ERP44: variants seen among roughly 807,000 people sequenced by gnomAD.
ERP44 encodes the protein endoplasmic reticulum resident protein 44.
ERP44 carries 25 observed loss-of-function variants against 53.4 expected under a neutral mutation model. The ratio of observed to expected loss-of-function variants is 0.47; its 90% CI spans 0.34 to 0.65. The LOEUF (loss-of-function observed/expected upper bound fraction) is 0.65, where lower values mean the gene tolerates loss of function less well. ERP44 is among the 30% of genes least tolerant of loss of function. ERP44 has a pLI of 0.01. For missense variants in ERP44, 338 were observed against 493.2 expected (o/e 0.69, Z 2.98); for synonymous variants, 145 against 161.2 (o/e 0.90, Z 0.76).
chr9:100,056,036 C>T (rs1370690906), intron 3 of ERP44, among the ~76,000 whole-genome samples: 1 of 152,204 alleles, frequency 6.6e-6, no homozygotes, highest in Non-Finnish European at 1.5e-5. Context: ...TCCCAAATAA[C>T]TCAGTCCATG....
intron 1 of ERP44, among the ~76,000 whole-genome samples, chr9:100,096,388 G>A (rs1298937366): frequency 6.6e-6 from 1 of 151,504 alleles, no homozygotes; most frequent in East Asian, 1.9e-4. Context: ...AATCTATATA[G>A]ACGCAAATAA....
chr9:100,086,478 T>C (rs995244022), intron 1 of ERP44, among the ~76,000 whole-genome samples: 25 of 152,178 alleles, frequency 1.6e-4, no homozygotes, highest in African/African-American at 6.0e-4. Flanking sequence ...TTTTCTAAGG[T>C]GCTTTCTCCA....
chr9:100,068,303 C>T (rs1353595928), intron 1 of ERP44, among the ~76,000 whole-genome samples: 2 of 143,470 alleles, frequency 1.4e-5, no homozygotes, highest in African/African-American at 5.2e-5. Flanking sequence ...CCCCTCTACC[C>T]GGCCAGCTGC....
intron 1 of ERP44, among the ~76,000 whole-genome samples, chr9:100,086,647 T>C (rs1176285056): frequency 1.3e-5 from 2 of 152,190 alleles, no homozygotes; most frequent in Non-Finnish European, 2.9e-5. Context: ...TTAGAAAAAC[T>C]GATATTCAAA....
rs552912305 is a variant in ERP44, at chr9:100,052,321, G to GA, written c.286+95dup. 1.5e-3 allele frequency: 781 copies of GA among 535,858 alleles called. 2 individuals are homozygous for GA. The highest frequency in any genetic ancestry group is 0.012 in the South Asian group (252 of 21,556). The allele number at this position is 535,858 out of a possible 1,614,324, so 33.2% of individuals were successfully genotyped here. A position where few individuals can be genotyped will look rare whatever the true frequency, so the allele number is the denominator to read the frequency against. On this transcript the variant is annotated intron_variant, in intron 4 of 11. Transcript: ENST00000262455. ...GAGCATTTAAAAAAAAAAAGAAAAG[G>GA]AAAAAAAAAGAAAAGAAAAGAAAAG... is the stretch of plus-strand genomic sequence containing the variant.
At chr9:100,054,081 T>C (rs916350535) in intron 3 of ERP44, among the ~76,000 whole-genome samples, 8 of 152,160 alleles carry the variant, frequency 5.3e-5, no homozygotes, top group African/African-American at 1.7e-4. Context: ...AGGAGACACA[T>C]CTGTATCTTC....
rs1830434946 is a variant in ERP44 at position 100,007,624 on chromosome 9, T to C, written c.828A>G (p.Leu276=). Residue 276 remains leucine, a synonymous_variant, in exon 9 of 12, where the codon TTA becomes TTG. Coordinates refer to ENST00000262455, the MANE Select transcript of ERP44 (RefSeq NM_015051.3). ...LFHMKEDTES[L]EIFQNEVARQ... is the part of the protein sequence containing the mutation. The stretch of plus-strand genomic sequence containing the variant: ...GAGCTACTTCATTCTGGAATATTTC[T>C]AAACTTTCTGTATCTTCTTTCATGT... 1.2e-6 allele frequency: 2 copies of C among 1,604,098 alleles called. No individual in the cohort carries two copies. The highest frequency in any genetic ancestry group is 2.7e-5 in the African/African-American group (2 of 74,870).
chr9:100,057,933 G>T, intron 2 of ERP44, 74 bp from the exon 3 acceptor site: 2 of 1,195,900 alleles, frequency 1.7e-6, no homozygotes, highest in South Asian at 2.6e-5. Context: ...GTTTCATTAT[G>T]ATCTTTGTCC....
chr9:100,009,844 T>G (rs1444832380), intron 8 of ERP44, among the ~76,000 whole-genome samples: 5 of 152,228 alleles, frequency 3.3e-5, no homozygotes, highest in Non-Finnish European at 7.3e-5. Context: ...TTTTCTTTAG[T>G]ACTTCTGCTT....
At chr9:100,095,553 G>C (rs1826617127) in intron 1 of ERP44, among the ~76,000 whole-genome samples, 1 of 151,946 alleles carries the variant, frequency 6.6e-6, no homozygotes, top group Admixed American at 6.6e-5. Context: ...ATGGTATTGT[G>C]GTTTTGTTTA....
At chr9:100,097,738 T>C (rs2118770675) in intron 1 of ERP44, among the ~76,000 whole-genome samples, 1 of 152,320 alleles carries the variant, frequency 6.6e-6, no homozygotes, top group South Asian at 2.1e-4. Flanking sequence ...CAAACACAAA[T>C]ATTAAACATT....
intron 10 of ERP44, among the ~76,000 whole-genome samples, chr9:100,003,443 T>C (rs968620216): frequency 6.6e-6 from 1 of 152,230 alleles, no homozygotes; most frequent in Non-Finnish European, 1.5e-5. Context: ...TGACTGGCTT[T>C]GTCTGGGAAA....
rs574477861 is a variant in ERP44 at position 100,034,486 on chromosome 9, G to T, written c.287-12260C>A. 1.9e-4 allele frequency among the ~76,000 whole-genome samples: 29 copies of T among 152,234 alleles called. No individual in the cohort carries two copies. The South Asian group carries it at 6.0e-3, about 32-fold the overall frequency. ...TAACCATAAAAATAGCCAGCCAGCA[G>T]CCCTTGCGGCTGCTCTGCCTATGCA... On this transcript the variant is annotated intron_variant, in intron 4 of 11. Coordinates refer to ENST00000262455, the MANE Select transcript of ERP44 (RefSeq NM_015051.3).
At chr9:100,002,056 T>C (rs544243901) in intron 10 of ERP44, among the ~76,000 whole-genome samples, 1 of 152,072 alleles carries the variant, frequency 6.6e-6, no homozygotes, top group East Asian at 1.9e-4. Flanking sequence ...AAAATTTTTA[T>C]TTTATTTTGT....
intron 1 of ERP44, among the ~76,000 whole-genome samples, chr9:100,075,437 C>T (rs1414084509): frequency 6.6e-6 from 1 of 152,236 alleles, no homozygotes. Flanking sequence ...GATATCAACT[C>T]TCCAGCTCTG....
chr9:100,052,550 T>C lies in ERP44; in HGVS notation c.171-18A>G. 2.8e-6 allele frequency: 4 copies of C among 1,421,400 alleles called. No homozygotes were observed. Among genetic ancestry groups the C allele is most frequent in the Non-Finnish European group, 3.9e-6 (4 of 1,021,478 alleles). The allele number at this position is 1,421,400 out of a possible 1,614,324, so 88.0% of individuals were successfully genotyped here. A position where few individuals can be genotyped will look rare whatever the true frequency, so the allele number is the denominator to read the frequency against. The stretch of plus-strand genomic sequence containing the variant: ...AACGACACCTATACACAGAGAAGGA[T>C]GCCAATTAGAAATGAAAAGCAGAAG... On this transcript the variant is annotated intron_variant, in intron 3 of 11. Transcript: ENST00000262455.
At chr9:100,013,132 C>T (rs1830493220) in intron 8 of ERP44, among the ~76,000 whole-genome samples, 1 of 152,140 alleles carries the variant, frequency 6.6e-6, no homozygotes, top group South Asian at 2.1e-4. Context: ...CTGGAAGCCT[C>T]TGGAAAGATT....
At position 100,033,663 on chromosome 9, in the gene ERP44, A is replaced by G. The variant is rs145462985; in HGVS notation, c.287-11437T>C. On this transcript the variant is annotated intron_variant, in intron 4 of 11. Coordinates refer to ENST00000262455, the MANE Select transcript of ERP44 (RefSeq NM_015051.3). ...AAAAATGAGGACTGGAGAGAGAACT[A>G]TGGTACACCTGTCTCATCAGTTGTT... Among the ~76,000 whole-genome samples the G allele has an allele frequency of 6.6e-5, 10 of 152,302 alleles. No individual in the cohort carries two copies. In the South Asian group the frequency reaches 1.0e-3, roughly 16 times the overall value.
chr9:100,091,810 G>A (rs1360229163), intron 1 of ERP44, among the ~76,000 whole-genome samples: 5 of 152,160 alleles, frequency 3.3e-5, no homozygotes, highest in Admixed American at 6.5e-5. Context: ...TAAAGTGCAG[G>A]TTCTGATTCA....
Sources: gnomAD v4.1 joint callset for allele counts (sites outside exome capture counted in the v4.1 genomes callset) on GRCh38, gnomAD v4.1.1 for gene constraint, MANE v1.5 for transcripts, NCBI Gene and HGNC (gene_info 2026-07-23, HGNC 2026-07-21) for gene names.